The following IARS1 variants were observed in gnomAD, a reference collection of about 807,000 sequenced individuals.
IARS1 encodes the protein isoleucyl-tRNA synthetase 1.
IARS1 carries 124 observed loss-of-function variants against 168.2 expected under a neutral mutation model. The observed-to-expected ratio is 0.74, with a 90% CI of 0.64 to 0.86. The LOEUF is 0.86. Ranked by LOEUF, IARS1 falls within the 40% of genes least tolerant of loss-of-function variation. IARS1 has a pLI of 0.00. For missense variants in IARS1, 1,452 were observed against 1,515.8 expected, an observed-to-expected ratio of 0.96 and a Z score of 0.70; for synonymous variants, 532 against 529.4, an observed-to-expected ratio of 1.00 and a Z score of -0.07.
intron 5 of IARS1, chr9:92,286,270 A>C (rs889022271): frequency 1.5e-5 from 5 of 327,434 alleles, no homozygotes; most frequent in Non-Finnish European, 2.2e-5. Flanking sequence ...GGGAGGCTGA[A>C]GCAAGAGAAT....
intron 16 of IARS1, among the ~76,000 whole-genome samples, chr9:92,263,378 G>A (rs954304662): frequency 1.3e-5 from 2 of 152,108 alleles, no homozygotes; most frequent in Admixed American, 6.5e-5. Context: ...GAAGATGAAG[G>A]ATGGGTTTTG....
At chr9:92,220,068 A>C (rs1257209734) in intron 33 of IARS1, among the ~76,000 whole-genome samples, 562 of 143,378 alleles carry the variant, frequency 3.9e-3, no homozygotes, top group African/African-American at 0.014. Flanking sequence ...CACATATACA[A>C]CATGGAATAC....
chr9:92,259,050 T>C, intron 18 of IARS1, 52 bp from the exon 19 acceptor site: 3 of 1,464,332 alleles, frequency 2.0e-6, no homozygotes, highest in Non-Finnish European at 2.8e-6. Context: ...AGTAAACCAA[T>C]TATTACTACT....
At chr9:92,268,125 C>A (rs750112263) in intron 14 of IARS1, 49 bp downstream of exon 14, 1 of 1,516,750 alleles carries the variant, frequency 6.6e-7, no homozygotes, top group Non-Finnish European at 8.8e-7. Flanking sequence ...ATTTCATGAA[C>A]AAAATGCTTT....
At chr9:92,222,456 G>T (rs1839811891) in intron 33 of IARS1, 64 bp downstream of exon 33, 2 of 1,382,718 alleles carry the variant, frequency 1.4e-6, no homozygotes, top group Admixed American at 1.8e-5. Context: ...TGCTACAAAT[G>T]GTTAATGGCA....
At chr9:92,280,941 GAC>G in intron 6 of IARS1, 48 bp from the exon 7 acceptor site, 1 of 1,381,752 alleles carries the variant, frequency 7.2e-7, no homozygotes, top group South Asian at 1.3e-5. Context: ...CACAATAACA[GAC>G]ACCTAAGAAA....
intron 30 of IARS1, among the ~76,000 whole-genome samples, chr9:92,240,137 A>G (rs557238191): frequency 6.8e-4 from 104 of 152,260 alleles, no homozygotes; most frequent in Non-Finnish European, 1.3e-3. Context: ...GAGTCTTCTT[A>G]TGCTTGTTTT....
Position 92,245,020 on chromosome 9 carries a change from A to G in IARS1, c.2843T>C (p.Met948Thr), listed in dbSNP as rs1828976988. 6.2e-7 allele frequency: 1 copy of G among 1,614,198 alleles called. No individual in the cohort carries two copies. The highest frequency in any genetic ancestry group is 1.1e-5 in the South Asian group (1 of 91,088). The change falls in exon 27 of 34, where the codon ATG becomes ACG. Residue 948 changes from methionine (M) to threonine (T), a missense_variant. Coordinates refer to ENST00000443024, the MANE Select transcript of IARS1 (RefSeq NM_002161.6). ...ACCTGTGGCCTGATCAAAGGTGTACATGAGGCGGATGTCTTCATCGTGCAA... is the reference window on the plus strand; with the variant it reads ...ACCTGTGGCCTGATCAAAGGTGTACGTGAGGCGGATGTCTTCATCGTGCAA... Reference protein sequence around the residue: ...HELHDEDIRLMYTFDQATGGT... With the variant: ...HELHDEDIRLTYTFDQATGGT...
chr9:92,235,897 C>A lies in IARS1; in HGVS notation c.3283+4959G>T, dbSNP rs991975550. On this transcript the variant is annotated intron_variant, in intron 30 of 33. Coordinates refer to ENST00000443024, the MANE Select transcript of IARS1 (RefSeq NM_002161.6). Reference sequence around the variant, plus strand: ...TCCCACTTGGTGATGGTGCATAATTCTTTGTATACATAGCTGAATTCTATT... The same window carrying A: ...TCCCACTTGGTGATGGTGCATAATTATTTGTATACATAGCTGAATTCTATT... Among the ~76,000 whole-genome samples the A allele has an allele frequency of 9.9e-5, 15 of 152,006 alleles. 1 individual carries two copies. Among genetic ancestry groups the A allele is most frequent in the Non-Finnish European group, 4.4e-5 (3 of 67,990 alleles).
intron 12 of IARS1, 129 bp downstream of exon 12, chr9:92,270,856 G>A (rs1832925065): frequency 1.8e-6 from 1 of 548,138 alleles, no homozygotes; most frequent in Admixed American, 3.2e-5. Flanking sequence ...GTAAGAAGGT[G>A]GCTTCCCAAA....
chr9:92,230,576 G>A (rs1450099644), intron 30 of IARS1, among the ~76,000 whole-genome samples: 3 of 152,164 alleles, frequency 2.0e-5, no homozygotes, highest in Non-Finnish European at 4.4e-5. Flanking sequence ...ATGAATATAA[G>A]TACTATATAC....
intron 18 of IARS1, 142 bp downstream of exon 18, chr9:92,260,009 A>C: frequency 1.6e-6 from 1 of 635,312 alleles, no homozygotes; most frequent in African/African-American, 1.8e-5. Flanking sequence ...ATCAACAACC[A>C]TACCAACATA....
intron 30 of IARS1, among the ~76,000 whole-genome samples, chr9:92,235,456 T>A (rs1323724432): frequency 6.6e-6 from 1 of 152,092 alleles, no homozygotes; most frequent in Admixed American, 6.6e-5. Flanking sequence ...ATGCTTTTTA[T>A]GAATCAACTG....
intron 1 of IARS1, chr9:92,292,654 T>C (rs1202208839): frequency 6.4e-6 from 1 of 155,166 alleles, no homozygotes; most frequent in Non-Finnish European, 1.5e-5. Context: ...GCCATCCCCT[T>C]TGCTTCCCTC....
intron 1 of IARS1, among the ~76,000 whole-genome samples, chr9:92,290,777 C>CA (rs1180151189): frequency 6.6e-6 from 1 of 151,838 alleles, no homozygotes; most frequent in Admixed American, 6.6e-5. Context: ...TCTAGTGGTG[C>CA]AAAAAACTCA....
At chr9:92,236,275 T>C (rs539584018) in intron 30 of IARS1, among the ~76,000 whole-genome samples, 1 of 152,320 alleles carries the variant, frequency 6.6e-6, no homozygotes, top group East Asian at 1.9e-4. Context: ...TAAGCCACCG[T>C]GCCCAGCCTA....
In IARS1 at chr9:92,229,114, A is replaced by C. The variant is rs1450486286; in HGVS notation, c.3296T>G (p.Leu1099Arg). ...ATTGTCACCTTTTGGATTTTCCAGGAGCAATACTCCACCTAAAAAGCCACA... is the reference window on the plus strand; with the variant it reads ...ATTGTCACCTTTTGGATTTTCCAGGCGCAATACTCCACCTAAAAAGCCACA... ...ANGSEQGGVL[L>R]LENPKGDNRL... is the part of the protein sequence containing the mutation. The change falls in exon 31 of 34, where the codon CTC (leucine) becomes CGC (arginine). Residue 1099 changes from leucine to arginine, a missense_variant. By Grantham distance (102) the Leu-to-Arg change is moderately radical (BLOSUM62 -2). Coordinates refer to ENST00000443024, the MANE Select transcript of IARS1 (RefSeq NM_002161.6). 6.2e-7 allele frequency: 1 copy of C among 1,613,582 alleles called. No homozygotes were observed.
At position 92,250,215 on chromosome 9, in the gene IARS1, A is replaced by G. The variant is rs142654271; in HGVS notation, c.2504T>C (p.Ile835Thr). The G allele has an allele frequency of 4.1e-5, 66 of 1,612,112 alleles. No homozygotes were observed. Among genetic ancestry groups the G allele is most frequent in the Non-Finnish European group, 5.4e-5 (64 of 1,178,280 alleles). ...TATGGGAATAGTTTTTCGGTCTCTG[A>G]TCACTCTTCCAAGTTCAATCACAGA... is the stretch of plus-strand genomic sequence containing the variant. ...MQSVIELGRV[I>T]RDRKTIPIKY... is the part of the protein sequence containing the mutation. The change falls in exon 24 of 34, where the codon ATC becomes ACC. Residue 835 changes from isoleucine to threonine, a missense_variant. Physicochemically the swap from Ile to Thr is moderately conservative, Grantham distance 89 (BLOSUM62 -1). Coordinates refer to ENST00000443024, the MANE Select transcript of IARS1 (RefSeq NM_002161.6).
chr9:92,232,427 T>C (rs1173200020), intron 30 of IARS1, among the ~76,000 whole-genome samples: 3 of 152,198 alleles, frequency 2.0e-5, no homozygotes, highest in Non-Finnish European at 4.4e-5. Context: ...TGATTCTGTA[T>C]GTGAGGAAAA....
Sources: allele counts gnomAD v4.1 joint callset (sites outside exome capture counted in the v4.1 genomes callset), GRCh38; gene constraint gnomAD v4.1.1; transcripts MANE v1.5; gene names NCBI Gene and HGNC (gene_info 2026-07-23, HGNC 2026-07-21).